The following ABCA8 variants were observed in gnomAD, a reference collection of about 807,000 sequenced individuals.
ABCA8 encodes the protein ATP binding cassette subfamily A member 8, also known as ABC-type organic anion transporter ABCA8.
ABCA8 carries 177 observed loss-of-function variants against 192.3 expected under a neutral mutation model. The observed-to-expected ratio is 0.92, with a 90% CI of 0.81 to 1.04. The LOEUF is 1.04. Among genes scored for constraint, ABCA8 ranks in the 50% least tolerant of loss-of-function variants. The pLI is 0.00. For synonymous variants in ABCA8, 642 were observed against 690.2 expected, an observed-to-expected ratio of 0.93 and a Z score of 1.09; for missense variants, 1,915 against 1,904.8, an observed-to-expected ratio of 1.01 and a Z score of -0.10.
Position 68,923,112 on chromosome 17 carries a change from C to A in ABCA8, c.1443-812G>T, listed in dbSNP as rs530405364. 1.4e-3 allele frequency among the ~76,000 whole-genome samples: 218 copies of A among 152,088 alleles called. 2 individuals carry two copies. Among genetic ancestry groups the A allele is most frequent in the South Asian group, 0.01 (50 of 4,812 alleles). ...TAAGTATATAATCCATAGGCCAAAT[C>A]AAATTTATGTTTCTTATTTTATCAT... On this transcript the variant is annotated intron_variant, in intron 11 of 39. Transcript: ENST00000586539.
At chr17:68,916,444 C>T (rs1274544755) in intron 17 of ABCA8, among the ~76,000 whole-genome samples, 1 of 151,810 alleles carries the variant, frequency 6.6e-6, no homozygotes, top group Non-Finnish European at 1.5e-5. Context: ...CCCATTTATC[C>T]GATGTTATTA....
chr17:68,918,480 CA>C lies in ABCA8; in HGVS notation c.1854del (p.Ser618ArgfsTer8). ...NIQDVLAQNL[S>X]GGQKRKLTFG... ...AAGGTTAGCTTTCTTTTCTGTCCAC[CA>C]CTTAAGTTTTGAGCAAGAACATCCT... is the stretch of plus-strand genomic sequence containing the variant. On this transcript the variant is annotated frameshift_variant, in exon 15 of 40. Transcript: ENST00000586539. LOFTEE classifies it high-confidence loss of function. 6.4e-7 allele frequency: 1 copy of C among 1,556,606 alleles called. No individual in the cohort carries two copies. The highest frequency in any genetic ancestry group is 8.6e-7 in the Non-Finnish European group (1 of 1,156,316).
chr17:68,889,240 A>G (rs1454627241), intron 24 of ABCA8, among the ~76,000 whole-genome samples: 1 of 152,222 alleles, frequency 6.6e-6, no homozygotes, highest in Non-Finnish European at 1.5e-5. Context: ...ACAAGGTTTC[A>G]TAGACTTTTT....
intron 37 of ABCA8, among the ~76,000 whole-genome samples, chr17:68,874,442 T>C (rs1057198658): frequency 6.6e-6 from 1 of 152,214 alleles, no homozygotes; most frequent in Non-Finnish European, 1.5e-5. Context: ...GTTTGTCTTT[T>C]CATCATTTGA....
chr17:68,922,212 T>C (rs1567863809), intron 12 of ABCA8, 30 bp downstream of exon 12: 4 of 95,848 alleles, frequency 4.2e-5, no homozygotes, highest in Non-Finnish European at 5.5e-5. Context: ...TTTTTTTTTT[T>C]TTTTTTTTTT....
rs1188504838 is a variant in ABCA8 at position 68,941,865 on chromosome 17, A to ATACACCATAGATAAC, written c.96+73_96+74insGTTATCTATGGTGTA. The ATACACCATAGATAAC allele has an allele frequency of 2.9e-6, 3 of 1,023,528 alleles. No individual in the cohort carries two copies. In the East Asian group the frequency reaches 7.2e-5, roughly 25 times the overall value. 63.4% of individuals were successfully genotyped at this position (1,023,528 alleles called of 1,614,324 possible). A position where few individuals can be genotyped will look rare whatever the true frequency, so the allele number is the denominator to read the frequency against. On this transcript the variant is annotated intron_variant, in intron 3 of 39. Transcript: ENST00000586539. ...GGTGTATGTGTCGGGGGAGATACAC[A>ATACACCATAGATAAC]TGGCATAGATAACTCCCAGGCAACA...
intron 30 of ABCA8, 52 bp downstream of exon 30, chr17:68,882,547 A>C: frequency 6.7e-7 from 1 of 1,482,246 alleles, no homozygotes; most frequent in Non-Finnish European, 9.1e-7. Context: ...AAATCATTAG[A>C]GAATTAGACT....
intron 14 of ABCA8, 36 bp downstream of exon 14, chr17:68,919,265 T>G: frequency 1.3e-6 from 2 of 1,544,334 alleles, no homozygotes; most frequent in African/African-American, 2.7e-5. Context: ...ATAATCTCAT[T>G]TTGACCAACA....
chr17:68,887,027 C>A lies in ABCA8; in HGVS notation c.3419G>T (p.Cys1140Phe). 1 of 1,599,980 alleles carries A rather than the reference C, an allele frequency of 6.3e-7. No individual in the cohort carries two copies. The highest frequency in any genetic ancestry group is 1.1e-5 in the South Asian group (1 of 90,704). The stretch of plus-strand genomic sequence containing the variant: ...AAGAAATATACTTACAACATAGAAA[C>A]AAAATGACCAAATGCCACTATTTTT... ...GRKNSGIWSF[C>F]FYVVTVFSVA... Residue 1140 changes from cysteine (C) to phenylalanine (F), a missense_variant, in exon 26 of 40, where the codon TGT becomes TTT. Transcript: ENST00000586539.
At chr17:68,953,996 C>T (rs975176186) in intron 1 of ABCA8, among the ~76,000 whole-genome samples, 2 of 151,582 alleles carry the variant, frequency 1.3e-5, no homozygotes, top group Admixed American at 1.3e-4. Flanking sequence ...AAGCAGCTGC[C>T]GCCAATGCAA....
In ABCA8 at chr17:68,924,851, C is replaced by T. The variant is rs139423903; in HGVS notation, c.1292G>A (p.Arg431His). ...GGACTTCAGGAAAAACAAAGGTGGA[C>T]GTCGATGTCCATATTCATCTACATG... ...KILPNEYGHR[R>H]PPLFFLKSSF... Residue 431 changes from arginine to histidine, a missense_variant, in exon 11 of 40, where the codon CGT becomes CAT. Arg to His is a conservative substitution (Grantham distance 29). Transcript: ENST00000586539. The T allele has an allele frequency of 2.4e-5, 38 of 1,613,736 alleles. No homozygotes were observed. Among genetic ancestry groups the T allele is most frequent in the African/African-American group, 8.0e-5 (6 of 74,902 alleles).
At chr17:68,872,900 T>G (rs2066101958) in intron 37 of ABCA8, among the ~76,000 whole-genome samples, 1 of 152,246 alleles carries the variant, frequency 6.6e-6, no homozygotes, top group African/African-American at 2.4e-5. Flanking sequence ...GTTTGTATTT[T>G]AAGTTACGTG....
At chr17:68,894,048 A>G (rs1179368116) in intron 23 of ABCA8, 125 bp downstream of exon 23, 1 of 1,023,228 alleles carries the variant, frequency 9.8e-7, no homozygotes, top group Non-Finnish European at 1.5e-6. Context: ...AACTAGAATG[A>G]GTCCAAATGT....
chr17:68,872,132 G>A (rs2066073959), intron 37 of ABCA8, among the ~76,000 whole-genome samples: 1 of 151,862 alleles, frequency 6.6e-6, no homozygotes, highest in Non-Finnish European at 1.5e-5. Context: ...ACATGCACAT[G>A]TATGTTTATT....
intron 24 of ABCA8, among the ~76,000 whole-genome samples, chr17:68,887,906 A>ATATATATC (rs370830810): frequency 8.2e-5 from 5 of 60,884 alleles, no homozygotes; most frequent in Admixed American, 2.0e-4. Context: ...ATATATATAT[A>ATATATATC]TCCATATATA....
At chr17:68,890,664 A>C (rs1289405223) in intron 24 of ABCA8, among the ~76,000 whole-genome samples, 3 of 152,148 alleles carry the variant, frequency 2.0e-5, no homozygotes, top group African/African-American at 4.8e-5. Flanking sequence ...GATCACAGGC[A>C]TGCACCACCA....
intron 27 of ABCA8, 56 bp downstream of exon 27, chr17:68,885,140 G>A (rs2066425788): frequency 6.4e-7 from 1 of 1,551,974 alleles, no homozygotes; most frequent in Non-Finnish European, 8.7e-7. Flanking sequence ...ATTGGGCAAA[G>A]CTTCACAATT....
intron 2 of ABCA8, among the ~76,000 whole-genome samples, chr17:68,947,389 A>C (rs2068439972): frequency 6.6e-6 from 1 of 152,220 alleles, no homozygotes; most frequent in Non-Finnish European, 1.5e-5. Flanking sequence ...TATAATCATA[A>C]GTTACAGTGT....
chr17:68,902,875 A>G lies in ABCA8; in HGVS notation c.2602T>C (p.Leu868=). 6.2e-7 allele frequency: 1 copy of G among 1,610,904 alleles called. No individual in the cohort carries two copies. The highest frequency in any genetic ancestry group is 8.5e-7 in the Non-Finnish European group (1 of 1,178,414). The part of the protein sequence containing the change: ...HERKALLALL[L]ILMAGFCPLL... ...GGGCAAAATCCAGCCATTAGAATTAATAGCCTACACAAAAGAAAATTGCCA... is the reference window on the plus strand; with the variant it reads ...GGGCAAAATCCAGCCATTAGAATTAGTAGCCTACACAAAAGAAAATTGCCA... Residue 868 remains leucine, a synonymous_variant, in exon 21 of 40, where the codon TTA becomes CTA. Transcript: ENST00000586539.
Sources: gnomAD v4.1 joint callset for allele counts (sites outside exome capture counted in the v4.1 genomes callset) on GRCh38, gnomAD v4.1.1 for gene constraint, MANE v1.5 for transcripts, NCBI Gene and HGNC (gene_info 2026-07-23, HGNC 2026-07-21) for gene names.